Variants in KRT8 observed in about 807,000 individuals in gnomAD.
KRT8 encodes keratin 8.
Under a neutral mutation model 43.0 loss-of-function variants are expected in KRT8, and 24 were observed. That is an observed-to-expected ratio of 0.56 (90% CI 0.40 to 0.78). The LOEUF (loss-of-function observed/expected upper bound fraction) is 0.78. KRT8 is among the 30% of genes least tolerant of loss of function. The pLI, the probability that KRT8 is intolerant of heterozygous loss-of-function variation, is 0.00. For missense variants in KRT8, 492 were observed against 638.4 expected, an observed-to-expected ratio of 0.77 and a Z score of 2.47; for synonymous variants, 214 against 261.2, an observed-to-expected ratio of 0.82 and a Z score of 1.74.
rs185399249 is a variant in KRT8 at position 52,932,462 on chromosome 12, A to C, written c.-47+16994T>G. ...CAAAGCAAAAACATTTGCTCTCCCC[A>C]CTTCTTTGTGTTTGTTTTTTTCTTT... On this transcript the variant is annotated intron_variant, in intron 2 of 6. Transcript: ENST00000546826. Among the ~76,000 whole-genome samples, 40 of 151,914 alleles carry C rather than the reference A, an allele frequency of 2.6e-4. No homozygotes were observed. In the East Asian group the frequency reaches 6.2e-3, roughly 24 times the overall value.
upstream of KRT8, among the ~76,000 whole-genome samples, chr12:52,909,429 C>G (rs1203811763): frequency 6.6e-6 from 1 of 152,224 alleles, no homozygotes; most frequent in Non-Finnish European, 1.5e-5. Context: ...GGTGGGTACA[C>G]CCCTCAGGAA....
Position 52,898,535 on chromosome 12 carries a change from TG to T in KRT8, c.1203-17del, listed in dbSNP as rs1941274422. On this transcript the variant is annotated splice_polypyrimidine_tract_variant and intron_variant, in intron 6 of 7. Transcript: ENST00000692008. ...AGACTCCAGCCTGTACCCAGACAAA[TG>T]GGGTGTCAGGACCAACTCCTAGCCC... 6.2e-7 allele frequency: 1 copy of T among 1,613,906 alleles called. No individual in the cohort carries two copies. The highest frequency in any genetic ancestry group is 8.5e-7 in the Non-Finnish European group (1 of 1,179,930).
intron 2 of KRT8, among the ~76,000 whole-genome samples, chr12:52,933,203 CCCA>C (rs1942112872): frequency 6.6e-6 from 1 of 152,178 alleles, no homozygotes; most frequent in African/African-American, 2.4e-5. Context: ...ACCTCAGCCT[CCCA>C]GAGTGCTGGG....
chr12:52,942,675 C>T (rs1942285773), intron 2 of KRT8, among the ~76,000 whole-genome samples: 2 of 152,136 alleles, frequency 1.3e-5, no homozygotes, highest in African/African-American at 4.8e-5. Flanking sequence ...CCTGAGCTTC[C>T]ACCTCTCCTG....
At chr12:52,942,328 G>T (rs962971500) in intron 2 of KRT8, among the ~76,000 whole-genome samples, 9 of 152,142 alleles carry the variant, frequency 5.9e-5, no homozygotes, top group African/African-American at 2.2e-4. Context: ...CTTGACCAAG[G>T]TCACCTAGCA....
chr12:52,927,765 GAGAC>G (rs1254150107), intron 2 of KRT8, among the ~76,000 whole-genome samples: 1 of 152,198 alleles, frequency 6.6e-6, no homozygotes, highest in Non-Finnish European at 1.5e-5. Flanking sequence ...ACTGCAACCA[GAGAC>G]AGACAGCCTC....
intron 5 of KRT8, 84 bp from the exon 6 acceptor site, chr12:52,898,983 C>T: frequency 3.4e-6 from 4 of 1,188,224 alleles, no homozygotes; most frequent in Middle Eastern, 2.7e-4. Flanking sequence ...AGGGTCCTCC[C>T]CACCACCACC....
intron 2 of KRT8, among the ~76,000 whole-genome samples, chr12:52,912,327 G>A (rs1235019132): frequency 6.6e-6 from 1 of 152,198 alleles, no homozygotes; most frequent in African/African-American, 2.4e-5. Context: ...CTGAGTCTCT[G>A]TTTTGCAACC....
chr12:52,911,351 C>CA (rs143605202), upstream of KRT8, among the ~76,000 whole-genome samples: 55,996 of 147,318 alleles, frequency 0.38, 10,713 homozygotes, highest in African/African-American at 0.43. Flanking sequence ...GACTCCGTCT[C>CA]AAAAAAAAAA....
intron 2 of KRT8, among the ~76,000 whole-genome samples, chr12:52,918,215 A>AAGAAGAAGAAGG (rs1565725773): frequency 3.7e-5 from 5 of 134,274 alleles, no homozygotes; most frequent in East Asian, 2.1e-4. Flanking sequence ...CAAGAAGAAG[A>AAGAAGAAGAAGG]AGAAGAAGAA....
chr12:52,939,096 T>C (rs543441471), intron 2 of KRT8, among the ~76,000 whole-genome samples: 2 of 151,554 alleles, frequency 1.3e-5, no homozygotes, highest in South Asian at 2.1e-4. Context: ...TAAAAAAAAG[T>C]AAAATAAAAA....
upstream of KRT8, chr12:52,906,986 G>A (rs1941534247): frequency 9.0e-6 from 3 of 334,366 alleles, no homozygotes; most frequent in South Asian, 2.3e-5. Context: ...CAATGCACGC[G>A]TGCATACACA....
At chr12:52,904,560 G>C in intron 1 of KRT8, 98 bp downstream of exon 1, 1 of 1,174,330 alleles carries the variant, frequency 8.5e-7, no homozygotes, top group East Asian at 2.3e-5. Flanking sequence ...GTGAGGCCCA[G>C]CAGGACGCCA....
intron 2 of KRT8, among the ~76,000 whole-genome samples, chr12:52,931,071 CT>C (rs796664998): frequency 0.082 from 11,944 of 145,926 alleles, 595 homozygotes; most frequent in Non-Finnish European, 0.12. Flanking sequence ...CCCCCAGATT[CT>C]TTTTTTTTTT....
chr12:52,937,339 A>G (rs1942183892), intron 2 of KRT8, among the ~76,000 whole-genome samples: 1 of 151,680 alleles, frequency 6.6e-6, no homozygotes, highest in Admixed American at 6.6e-5. Flanking sequence ...CCACTGCACA[A>G]TCCAGCCTGG....
At chr12:52,940,593 G>A (rs558531620) in intron 2 of KRT8, among the ~76,000 whole-genome samples, 9 of 151,286 alleles carry the variant, frequency 5.9e-5, no homozygotes, top group African/African-American at 9.7e-5. Context: ...GTGGGGGTGA[G>A]CAATGAACTT....
intron 1 of KRT8, 59 bp downstream of exon 1, chr12:52,904,599 C>T: frequency 1.3e-6 from 2 of 1,499,936 alleles, no homozygotes; most frequent in South Asian, 1.1e-5. Context: ...GCATAGGGAC[C>T]GGGACTACCA....
At chr12:52,918,299 G>A (rs1941818425) in intron 2 of KRT8, among the ~76,000 whole-genome samples, 2 of 152,058 alleles carry the variant, frequency 1.3e-5, no homozygotes, top group Non-Finnish European at 2.9e-5. Context: ...TCATGAGGAG[G>A]GTTCAGGCAG....
At chr12:52,911,094 G>A (rs751449162), upstream of KRT8, among the ~76,000 whole-genome samples, 1 of 152,190 alleles carries the variant, frequency 6.6e-6, no homozygotes, top group Non-Finnish European at 1.5e-5. Context: ...GCTCACACCT[G>A]TAATCCCAGC....
Sources: allele counts gnomAD v4.1 joint callset (sites outside exome capture counted in the v4.1 genomes callset), GRCh38; gene constraint gnomAD v4.1.1; transcripts MANE v1.5; gene names NCBI Gene and HGNC (gene_info 2026-07-23, HGNC 2026-07-21).